PRUNE2: variants seen among roughly 807,000 people sequenced by gnomAD.
PRUNE2 encodes prune homolog 2 with BCH domain.
In PRUNE2, 164 loss-of-function variants were observed where a neutral mutation model predicts 252.0. The observed-to-expected ratio is 0.65, with a 90% CI of 0.57 to 0.74. The LOEUF is 0.74. Ranked by LOEUF, PRUNE2 falls within the 30% of genes least tolerant of loss-of-function variation. The pLI, the probability that PRUNE2 is intolerant of heterozygous loss-of-function variation, is 0.00. For synonymous variants in PRUNE2, 1,292 were observed against 1,350.2 expected, an observed-to-expected ratio of 0.96 and a Z score of 0.94; for missense variants, 3,495 against 3,711.0, an observed-to-expected ratio of 0.94 and a Z score of 1.51.
intron 17 of PRUNE2, among the ~76,000 whole-genome samples, chr9:76,622,385 G>C (rs1832759631): frequency 6.6e-6 from 1 of 152,052 alleles, no homozygotes; most frequent in Admixed American, 6.6e-5. Flanking sequence ...TAAGCAGAAA[G>C]AGTATAAATA....
intron 9 of PRUNE2, among the ~76,000 whole-genome samples, chr9:76,691,725 A>G (rs773947057): frequency 1.3e-5 from 2 of 152,220 alleles, no homozygotes; most frequent in Non-Finnish European, 2.9e-5. Flanking sequence ...ACAGTTTCAA[A>G]TCTGTCACTT....
At chr9:76,788,732 T>C (rs1371868402) in intron 6 of PRUNE2, among the ~76,000 whole-genome samples, 22 of 152,276 alleles carry the variant, frequency 1.4e-4, no homozygotes, top group Admixed American at 1.4e-3. Flanking sequence ...TCACAAATCT[T>C]ATAAGAAGAG....
At chr9:76,894,461 G>C (rs997500119) in intron 1 of PRUNE2, among the ~76,000 whole-genome samples, 3 of 152,176 alleles carry the variant, frequency 2.0e-5, no homozygotes, top group African/African-American at 7.2e-5. Flanking sequence ...CCAGGCACGT[G>C]TCCTGTCCTC....
At chr9:76,803,079 C>T (rs1048061649) in intron 6 of PRUNE2, among the ~76,000 whole-genome samples, 4 of 152,176 alleles carry the variant, frequency 2.6e-5, no homozygotes, top group African/African-American at 7.2e-5. Context: ...CTTCTGACAG[C>T]CTCAGATAGT....
intron 6 of PRUNE2, among the ~76,000 whole-genome samples, chr9:76,744,029 G>A (rs957506092): frequency 6.6e-6 from 1 of 152,184 alleles, no homozygotes; most frequent in Admixed American, 6.6e-5. Flanking sequence ...ATATGCTCAA[G>A]TTTGTCTAAG....
At chr9:76,744,193 CTG>C (rs888956564) in intron 6 of PRUNE2, among the ~76,000 whole-genome samples, 3 of 152,210 alleles carry the variant, frequency 2.0e-5, no homozygotes, top group African/African-American at 7.2e-5. Flanking sequence ...AGTTCAGAGG[CTG>C]TGTTATTATA....
chr9:76,839,991 C>T (rs529024823), intron 4 of PRUNE2, among the ~76,000 whole-genome samples: 8 of 152,188 alleles, frequency 5.3e-5, no homozygotes, highest in East Asian at 3.9e-4. Flanking sequence ...CTACTGCAGC[C>T]GTGTTAAGGA....
chr9:76,723,793 C>T (rs1351950106), intron 6 of PRUNE2, among the ~76,000 whole-genome samples: 2 of 151,082 alleles, frequency 1.3e-5, no homozygotes, highest in Admixed American at 1.3e-4. Flanking sequence ...TTTATTACCT[C>T]CTATAAGCAT....
intron 1 of PRUNE2, among the ~76,000 whole-genome samples, chr9:76,860,633 C>CT (rs1031157799): frequency 2.0e-5 from 3 of 152,212 alleles, no homozygotes; most frequent in Admixed American, 2.0e-4. Context: ...TTTTGGAACA[C>CT]TTTTTTCAAA....
At chr9:76,700,619 A>G (rs1241135065) in intron 9 of PRUNE2, among the ~76,000 whole-genome samples, 2 of 152,190 alleles carry the variant, frequency 1.3e-5, no homozygotes, top group East Asian at 3.9e-4. Context: ...TTAAAAATTT[A>G]TTTTATAACT....
chr9:76,644,606 AG>A (rs1844009207), intron 12 of PRUNE2, 132 bp downstream of exon 12: 1 of 808,808 alleles, frequency 1.2e-6, no homozygotes, highest in Non-Finnish European at 2.1e-6. Context: ...TTAGCTCTAT[AG>A]TTCCCTGAAT....
chr9:76,770,413 C>T (rs1400390003), intron 6 of PRUNE2, among the ~76,000 whole-genome samples: 1 of 152,084 alleles, frequency 6.6e-6, no homozygotes, highest in African/African-American at 2.4e-5. Flanking sequence ...TCAATCCAAT[C>T]TATTGCCTTA....
At chr9:76,902,854 T>C (rs1362717808) in intron 1 of PRUNE2, among the ~76,000 whole-genome samples, 1 of 152,152 alleles carries the variant, frequency 6.6e-6, no homozygotes, top group African/African-American at 2.4e-5. Flanking sequence ...TTCTGATAAA[T>C]ACTGAGTATT....
chr9:76,842,688 C>A (rs953389199), intron 4 of PRUNE2, among the ~76,000 whole-genome samples: 3 of 152,144 alleles, frequency 2.0e-5, no homozygotes, highest in African/African-American at 7.2e-5. Context: ...TGAAGAGACA[C>A]TTCTCAAAAG....
intron 4 of PRUNE2, among the ~76,000 whole-genome samples, chr9:76,834,617 A>C (rs2058852371): frequency 6.6e-6 from 1 of 152,224 alleles, no homozygotes; most frequent in Non-Finnish European, 1.5e-5. Context: ...ATTACATTAA[A>C]CAGAGACCTA....
chr9:76,708,661 G>T lies in PRUNE2; in HGVS notation c.3613C>A (p.His1205Asn). Residue 1205 changes from histidine to asparagine, a missense_variant, in exon 8 of 19, where the codon CAC (histidine) becomes AAC (asparagine). His to Asn is a moderately conservative substitution (Grantham distance 68). Coordinates refer to ENST00000376718, the MANE Select transcript of PRUNE2 (RefSeq NM_015225.3). ...TGCCCACTTTTCTCATTCAATGTGT[G>T]ATGTTCACTGGGAGCACTGTCCTTG... ...HTKDSAPSEH[H>N]TLNEKSGQLI... 1 of 1,613,974 alleles carries T rather than the reference G, an allele frequency of 6.2e-7. No individual in the cohort carries two copies. Among genetic ancestry groups the T allele is most frequent in the Non-Finnish European group, 8.5e-7 (1 of 1,179,894 alleles).
chr9:76,670,205 G>A (rs1053939727), intron 9 of PRUNE2, among the ~76,000 whole-genome samples: 11 of 152,188 alleles, frequency 7.2e-5, no homozygotes, highest in South Asian at 4.1e-4. Context: ...CACCGTGCGC[G>A]AGCCGAAGCA....
intron 3 of PRUNE2, 71 bp from the exon 4 acceptor site, chr9:76,846,749 TCTCTG>T: frequency 7.4e-7 from 1 of 1,356,738 alleles, no homozygotes; most frequent in Non-Finnish European, 1.0e-6. Flanking sequence ...AATGTTTAAA[TCTCTG>T]CTCTCACACA....
At chr9:76,712,999 T>C (rs1483786997) in intron 7 of PRUNE2, among the ~76,000 whole-genome samples, 1 of 152,222 alleles carries the variant, frequency 6.6e-6, no homozygotes, top group Non-Finnish European at 1.5e-5. Flanking sequence ...TAATGAATCA[T>C]GTATGTTCTC....
Sources: allele counts gnomAD v4.1 joint callset (sites outside exome capture counted in the v4.1 genomes callset), GRCh38; gene constraint gnomAD v4.1.1; transcripts MANE v1.5; gene names NCBI Gene and HGNC (gene_info 2026-07-23, HGNC 2026-07-21).